MRPL36: variants seen among roughly 807,000 people sequenced by gnomAD.
MRPL36 encodes the protein large ribosomal subunit protein bL36m.
MRPL36 carries 1 observed loss-of-function variant against 2.8 expected under a neutral mutation model. The ratio of observed to expected loss-of-function variants is 0.36; its 90% CI spans 0.13 to 1.69. MRPL36 has a LOEUF of 1.69. Among genes scored for constraint, MRPL36 ranks in the 40% most tolerant of loss-of-function variants. The pLI, the probability that MRPL36 is intolerant of heterozygous loss-of-function variation, is 0.35. For synonymous variants in MRPL36, 68 were observed against 54.8 expected (o/e 1.24, Z -1.06); for missense variants, 148 against 132.7 (o/e 1.12, Z -0.57).
In MRPL36 at chr5:1,798,409, G is replaced by A; in HGVS notation, c.*215C>T. ...CTATTCGGAAGGTCTATTTTAATAG[G>A]AAAATGTTTTTTAGTTGGAACGTTT... On this transcript the variant is annotated 3_prime_UTR_variant, in exon 2 of 2. Transcript: ENST00000505059. 2 of 514,202 alleles carry A rather than the reference G, an allele frequency of 3.9e-6. No individual in the cohort carries two copies. The highest frequency in any genetic ancestry group is 1.9e-5 in the African/African-American group (1 of 52,438). The allele number at this position is 514,202 out of a possible 1,614,324, so 31.9% of individuals were successfully genotyped here. A position where few individuals can be genotyped will look rare whatever the true frequency, so the allele number is the denominator to read the frequency against.
chr5:1,799,048 G>T, intron 1 of MRPL36, 101 bp from the exon 2 acceptor site: 1 of 936,924 alleles, frequency 1.1e-6, no homozygotes, highest in Non-Finnish European at 1.6e-6. Context: ...GGAAGGCAGG[G>T]ACCTCGGGGA....
upstream of MRPL36, among the ~76,000 whole-genome samples, chr5:1,800,423 C>G (rs1409361926): frequency 2.0e-5 from 3 of 152,212 alleles, no homozygotes; most frequent in African/African-American, 4.8e-5. Context: ...GCTGCGTCCA[C>G]TCCGCGCTCC....
upstream of MRPL36, among the ~76,000 whole-genome samples, chr5:1,800,898 A>C (rs982088929): frequency 3.9e-5 from 6 of 152,224 alleles, no homozygotes; most frequent in Admixed American, 2.6e-4. Flanking sequence ...AGGAGAATGC[A>C]CTTCCAGTCT....
Position 1,798,679 on chromosome 5 carries a change from C to T in MRPL36, c.257G>A (p.Gly86Asp). The T allele has an allele frequency of 1.2e-6, 2 of 1,613,878 alleles. No individual in the cohort carries two copies. The highest frequency in any genetic ancestry group is 1.3e-5 in the African/African-American group (1 of 75,028). ...CKDCYLVKRR[G>D]RWYVYCKTHP... ...GGTTTTACAGTAGACGTACCACCGACCCCGCCTCTTCACCAGGTAACAGTC... is the reference window on the plus strand; with the variant it reads ...GGTTTTACAGTAGACGTACCACCGATCCCGCCTCTTCACCAGGTAACAGTC... Residue 86 changes from glycine to aspartate, a missense_variant, in exon 2 of 2, where the codon GGT (glycine) becomes GAT (aspartate). Physicochemically the swap from Gly to Asp is moderately conservative, Grantham distance 94 (BLOSUM62 -1). Transcript: ENST00000505059.
chr5:1,799,237 G>T, intron 1 of MRPL36: 1 of 289,672 alleles, frequency 3.5e-6, no homozygotes, highest in Admixed American at 4.7e-5. Flanking sequence ...CACTTGGCTG[G>T]GAGGGAGCTT....
At chr5:1,801,382 G>T, upstream of MRPL36, 1 of 1,601,372 alleles carries the variant, frequency 6.2e-7, no homozygotes. Flanking sequence ...AGCGCTAAGC[G>T]GGACGTTGCG....
chr5:1,800,935 C>T (rs528352550), upstream of MRPL36, among the ~76,000 whole-genome samples: 4 of 152,326 alleles, frequency 2.6e-5, no homozygotes, highest in East Asian at 7.7e-4. Context: ...GACTCCTTCA[C>T]CCAATAATTT....
upstream of MRPL36, among the ~76,000 whole-genome samples, chr5:1,800,691 A>G (rs1417315605): frequency 6.6e-6 from 1 of 152,214 alleles, no homozygotes; most frequent in Non-Finnish European, 1.5e-5. Flanking sequence ...CTCTGACCAC[A>G]GCAAAAGAAA....
chr5:1,801,100 C>G (rs1734023595), upstream of MRPL36, among the ~76,000 whole-genome samples: 2 of 152,258 alleles, frequency 1.3e-5, no homozygotes, highest in African/African-American at 4.8e-5. Flanking sequence ...CATCAGGGCC[C>G]TAGCTCTAGC....
Position 1,798,786 on chromosome 5 carries a change from T to G in MRPL36, c.150A>C (p.Ser50=), listed in dbSNP as rs548829962. 1 of 1,614,052 alleles carries G rather than the reference T, an allele frequency of 6.2e-7. No homozygotes were observed. Among genetic ancestry groups the G allele is most frequent in the African/African-American group, 1.3e-5 (1 of 75,008 alleles). ...GGGGCAGGAGGCCGGGTGAGAGAAGTGAGCGCACTGCTGCCCCGGGTTCCA... is the reference window on the plus strand; with the variant it reads ...GGGGCAGGAGGCCGGGTGAGAGAAGGGAGCGCACTGCTGCCCCGGGTTCCA... ...VAVEPGAAVR[S]LLSPGLLPHL... is the part of the protein sequence containing the mutation. Residue 50 remains serine, a synonymous_variant, in exon 2 of 2, where the codon TCA becomes TCC. Coordinates refer to ENST00000505059, the MANE Select transcript of MRPL36 (RefSeq NM_032479.4).
Position 1,798,888 on chromosome 5 carries a change from G to C in MRPL36, c.48C>G (p.Leu16=), listed in dbSNP as rs143165730. 18 of 1,609,892 alleles carry C rather than the reference G, an allele frequency of 1.1e-5. No individual in the cohort carries two copies. Among genetic ancestry groups the C allele is most frequent in the Non-Finnish European group, 1.4e-5 (17 of 1,176,442 alleles). The change falls in exon 2 of 2, where the codon CTC becomes CTG. Residue 16 remains leucine, a synonymous_variant. Coordinates refer to ENST00000505059, the MANE Select transcript of MRPL36 (RefSeq NM_032479.4). The part of the protein sequence containing the change: ...IRKMVNPLLY[L]SRHTVKPRAL... The stretch of plus-strand genomic sequence containing the variant: ...CTCGAGGCTTCACCGTGTGACGACT[G>C]AGATAGAGCAGAGGGTTCACCATTT...
At position 1,798,714 on chromosome 5, in the gene MRPL36, C is replaced by T; in HGVS notation, c.222G>A (p.Lys74=). 6.2e-7 allele frequency: 1 copy of T among 1,613,952 alleles called. No individual in the cohort carries two copies. Among genetic ancestry groups the T allele is most frequent in the Non-Finnish European group, 8.5e-7 (1 of 1,179,884 alleles). ...LGFKNKTVLK[K]RCKDCYLVKR... is the part of the protein sequence containing the mutation. ...TCACCAGGTAACAGTCCTTGCAGCG[C>T]TTCTTAAGGACAGTCTTGTTTTTGA... The change falls in exon 2 of 2, where the codon AAG becomes AAA. Residue 74 remains lysine (K), a synonymous_variant. Coordinates refer to ENST00000505059, the MANE Select transcript of MRPL36 (RefSeq NM_032479.4).
intron 1 of MRPL36, 75 bp from the exon 2 acceptor site, chr5:1,799,022 G>T: frequency 8.0e-7 from 1 of 1,245,204 alleles, no homozygotes; most frequent in Non-Finnish European, 1.1e-6. Context: ...CCTTTTCTCT[G>T]TTTCACTGAG....
upstream of MRPL36, among the ~76,000 whole-genome samples, chr5:1,800,101 GA>G (rs1404587747): frequency 2.0e-5 from 3 of 152,316 alleles, no homozygotes; most frequent in South Asian, 2.1e-4. Context: ...TTAGGCCTTA[GA>G]AAAAACTGGC....
upstream of MRPL36, among the ~76,000 whole-genome samples, chr5:1,800,166 G>A (rs189643598): frequency 7.9e-5 from 12 of 152,314 alleles, no homozygotes; most frequent in East Asian, 1.2e-3. Flanking sequence ...AAGTGGACAG[G>A]AGAAATGTAA....
chr5:1,800,597 C>T (rs1457355654), upstream of MRPL36, among the ~76,000 whole-genome samples: 1 of 152,180 alleles, frequency 6.6e-6, no homozygotes, highest in African/African-American at 2.4e-5. Context: ...ATTCTTGTTT[C>T]TCATGCCTTT....
Sources: allele counts gnomAD v4.1 joint callset (sites outside exome capture counted in the v4.1 genomes callset), GRCh38; gene constraint gnomAD v4.1.1; transcripts MANE v1.5; gene names NCBI Gene and HGNC (gene_info 2026-07-23, HGNC 2026-07-21).